Variants in HTR3B observed in about 807,000 individuals in gnomAD.
The protein encoded by HTR3B is 5-hydroxytryptamine receptor 3B, also known as 5-hydroxytryptamine (serotonin) receptor 3B, ionotropic.
In HTR3B, 44 loss-of-function variants were observed where a neutral mutation model predicts 42.8. The observed-to-expected ratio is 1.03, with a 90% CI of 0.81 to 1.32. HTR3B has a LOEUF of 1.32. HTR3B is among the 40% of genes most tolerant of loss of function. The probability of loss-of-function intolerance (pLI) is 0.00; values close to 1 mark genes in which losing one functional copy is unlikely to be tolerated. For missense variants in HTR3B, 527 were observed against 536.5 expected, an observed-to-expected ratio of 0.98 and a Z score of 0.17; for synonymous variants, 203 against 209.0, an observed-to-expected ratio of 0.97 and a Z score of 0.25.
chr11:113,929,326 A>G (rs1171233589), intron 2 of HTR3B, among the ~76,000 whole-genome samples: 2 of 152,166 alleles, frequency 1.3e-5, no homozygotes, highest in Non-Finnish European at 2.9e-5. Context: ...ACTAGGTGGC[A>G]TAAACAACAG....
At chr11:113,932,023 A>G (rs1364040279) in intron 4 of HTR3B, among the ~76,000 whole-genome samples, 156 bp downstream of exon 4, 1 of 152,190 alleles carries the variant, frequency 6.6e-6, no homozygotes, top group Non-Finnish European at 1.5e-5. Flanking sequence ...CCATGTGTTG[A>G]CATTATTTAA....
At position 113,947,665 on chromosome 11, in the gene HTR3B, G is replaced by A. The variant is rs536139190; in HGVS notation, c.*1528G>A. Among the ~76,000 whole-genome samples, 1 of 152,232 alleles carries A rather than the reference G, an allele frequency of 6.6e-6. No homozygotes were observed. Among genetic ancestry groups the A allele is most frequent in the South Asian group, 2.1e-4 (1 of 4,818 alleles). On this transcript the variant is annotated 3_prime_UTR_variant, in exon 9 of 9. Coordinates refer to ENST00000260191, the MANE Select transcript of HTR3B (RefSeq NM_006028.5). ...AGGGCACCAGTGTTGTTGGTTTAGG[G>A]TCCATCCTAGTGACCTCTTTTAACC...
chr11:113,923,925 CATT>C (rs1364293026), intron 2 of HTR3B, among the ~76,000 whole-genome samples: 1 of 152,146 alleles, frequency 6.6e-6, no homozygotes, highest in Non-Finnish European at 1.5e-5. Context: ...TTCTTAACAT[CATT>C]GTTATATGTA....
intron 7 of HTR3B, among the ~76,000 whole-genome samples, chr11:113,943,981 C>A (rs1195946733): frequency 6.6e-6 from 1 of 151,656 alleles, no homozygotes; most frequent in Non-Finnish European, 1.5e-5. Context: ...TTGCTTGAGC[C>A]CAAGAGTTCA....
chr11:113,906,217 G>A (rs1411457207), intron 1 of HTR3B, among the ~76,000 whole-genome samples: 2 of 152,160 alleles, frequency 1.3e-5, no homozygotes, highest in Admixed American at 6.6e-5. Context: ...CTGTGGAATT[G>A]TACTGGGTTT....
intron 2 of HTR3B, among the ~76,000 whole-genome samples, chr11:113,917,796 G>T (rs1239360114): frequency 1.3e-5 from 2 of 151,968 alleles, no homozygotes; most frequent in African/African-American, 4.8e-5. Context: ...GTAGAGACGG[G>T]GTTTTGCCAT....
chr11:113,933,180 C>A (rs749088767), intron 6 of HTR3B, 87 bp downstream of exon 6: 269 of 1,291,622 alleles, frequency 2.1e-4, no homozygotes, highest in Non-Finnish European at 2.7e-4. Flanking sequence ...TGCTCTATTG[C>A]ATGTTCTCAT....
At chr11:113,920,254 C>T (rs750724251) in intron 2 of HTR3B, among the ~76,000 whole-genome samples, 34 of 152,098 alleles carry the variant, frequency 2.2e-4, no homozygotes, top group African/African-American at 7.0e-4. Context: ...TCTCAGACTC[C>T]GGACCTCAGG....
intron 2 of HTR3B, among the ~76,000 whole-genome samples, chr11:113,921,591 C>T (rs1949914822): frequency 6.7e-6 from 1 of 149,782 alleles, no homozygotes; most frequent in Non-Finnish European, 1.5e-5. Flanking sequence ...TGCACTCCAA[C>T]TTGGCGACAG....
intron 1 of HTR3B, 105 bp downstream of exon 1, chr11:113,905,090 T>C: frequency 1.3e-6 from 1 of 771,974 alleles, no homozygotes; most frequent in Non-Finnish European, 2.1e-6. Context: ...CATGTTTGTT[T>C]TTATTCATCG....
chr11:113,944,006 G>A (rs1382792163), intron 7 of HTR3B, among the ~76,000 whole-genome samples: 1 of 149,298 alleles, frequency 6.7e-6, no homozygotes, highest in African/African-American at 2.5e-5. Context: ...AACATAGTGA[G>A]GACTTGTCTC....
rs372715283 is a variant in HTR3B at position 113,948,964 on chromosome 11, A to G, written c.*2827A>G. Among the ~76,000 whole-genome samples the G allele has an allele frequency of 9.8e-5, 15 of 152,360 alleles. No homozygotes were observed. The highest frequency in any genetic ancestry group is 9.6e-4 in the East Asian group (5 of 5,186). On this transcript the variant is annotated 3_prime_UTR_variant, in exon 9 of 9. Transcript: ENST00000260191. Reference sequence around the variant, plus strand: ...TGCAGCACAGCAACGTGGCACGTGTATACATATGTAACAAACCTGCACGTT... The same window carrying G: ...TGCAGCACAGCAACGTGGCACGTGTGTACATATGTAACAAACCTGCACGTT...
chr11:113,905,111 G>T, intron 1 of HTR3B, 126 bp downstream of exon 1: 1 of 672,958 alleles, frequency 1.5e-6, no homozygotes, highest in Non-Finnish European at 2.5e-6. Context: ...TCTGTAAAAT[G>T]CCAGTCCTGT....
chr11:113,907,306 G>A (rs893112348), intron 1 of HTR3B, among the ~76,000 whole-genome samples: 12 of 152,228 alleles, frequency 7.9e-5, no homozygotes, highest in South Asian at 4.1e-4. Flanking sequence ...TCACTGAACT[G>A]TGAGTCATTT....
Position 113,933,053 on chromosome 11 carries a change from T to C in HTR3B, c.656T>C (p.Leu219Pro). The part of the protein sequence containing the change: ...LLSVSSTYSI[L>P]QSSAGGFAQI... ...TCTGTGTCCTCCACATACAGCATCCTGCAGAGCAGCGCTGGAGGATTTGCA... is the reference window on the plus strand; with the variant it reads ...TCTGTGTCCTCCACATACAGCATCCCGCAGAGCAGCGCTGGAGGATTTGCA... The change falls in exon 6 of 9, where the codon CTG becomes CCG. Residue 219 changes from leucine to proline, a missense_variant. Transcript: ENST00000260191. 4 of 1,614,202 alleles carry C rather than the reference T, an allele frequency of 2.5e-6. No homozygotes were observed. In the South Asian group the frequency reaches 3.3e-5, roughly 13 times the overall value.
chr11:113,910,790 A>T (rs1178409319), intron 2 of HTR3B, among the ~76,000 whole-genome samples: 1 of 150,690 alleles, frequency 6.6e-6, no homozygotes, highest in Admixed American at 6.6e-5. Flanking sequence ...AAGTAATTTT[A>T]ATCATTGTTT....
chr11:113,920,844 A>G (rs1949904939), intron 2 of HTR3B, among the ~76,000 whole-genome samples: 1 of 151,826 alleles, frequency 6.6e-6, no homozygotes, highest in Non-Finnish European at 1.5e-5. Context: ...ACAGAGTCTC[A>G]CTCTGTCGCC....
chr11:113,929,518 G>A (rs1950010354), intron 2 of HTR3B, among the ~76,000 whole-genome samples: 1 of 151,646 alleles, frequency 6.6e-6, no homozygotes, highest in Admixed American at 6.6e-5. Context: ...ATGAGATTAG[G>A]GTCCTATCCC....
intron 6 of HTR3B, among the ~76,000 whole-genome samples, chr11:113,941,896 C>T (rs1395267396): frequency 6.6e-6 from 1 of 152,148 alleles, no homozygotes; most frequent in Non-Finnish European, 1.5e-5. Flanking sequence ...CCGAAAAGCC[C>T]AGGGGTCTGC....
Sources: gnomAD v4.1 joint callset for allele counts (sites outside exome capture counted in the v4.1 genomes callset) on GRCh38, gnomAD v4.1.1 for gene constraint, MANE v1.5 for transcripts, NCBI Gene and HGNC (gene_info 2026-07-23, HGNC 2026-07-21) for gene names.